PTPN9: variants seen among roughly 807,000 people sequenced by gnomAD.
The protein encoded by PTPN9 is tyrosine-protein phosphatase non-receptor type 9.
PTPN9 carries 26 observed loss-of-function variants against 69.8 expected under a neutral mutation model. The ratio of observed to expected loss-of-function variants is 0.37; its 90% CI spans 0.27 to 0.52. The LOEUF (loss-of-function observed/expected upper bound fraction) is 0.52. Ranked by LOEUF, PTPN9 falls within the 20% of genes least tolerant of loss-of-function variation. The pLI is 0.91. For synonymous variants in PTPN9, 274 were observed against 272.5 expected (o/e 1.01, Z -0.05); for missense variants, 549 against 740.3 (o/e 0.74, Z 3.00).
At chr15:75,497,074 C>T (rs1303807575) in intron 7 of PTPN9, among the ~76,000 whole-genome samples, 3 of 152,080 alleles carry the variant, frequency 2.0e-5, no homozygotes, top group African/African-American at 7.2e-5. Context: ...ACAGTATAAA[C>T]AAAATCAACT....
chr15:75,507,025 A>G (rs2074823126), intron 6 of PTPN9, among the ~76,000 whole-genome samples: 1 of 152,194 alleles, frequency 6.6e-6, no homozygotes, highest in South Asian at 2.1e-4. Flanking sequence ...ATTTTTAATT[A>G]TCAGGAACCA....
At chr15:75,540,787 G>A (rs2075005062) in intron 1 of PTPN9, among the ~76,000 whole-genome samples, 1 of 151,538 alleles carries the variant, frequency 6.6e-6, no homozygotes, top group Admixed American at 6.6e-5. Context: ...ACAAAAAAAG[G>A]ATGATCCAGG....
At position 75,465,907 on chromosome 15, in the gene PTPN9, C is replaced by T. The variant is rs2074534787; in HGVS notation, c.*2862G>A. On this transcript the variant is annotated 3_prime_UTR_variant, in exon 13 of 13. Coordinates refer to ENST00000618819, the MANE Select transcript of PTPN9 (RefSeq NM_002833.4). ...CTTACATGTTCCACCAAACCCCTGA[C>T]CTCTCTGGTTTCTCAGATTTCCAAG... 6.6e-6 allele frequency: 1 copy of T among 152,242 alleles called. No individual in the cohort carries two copies. The allele number at this position is 152,242 out of a possible 1,614,324, so 9.4% of individuals were successfully genotyped here. A position where few individuals can be genotyped will look rare whatever the true frequency, so the allele number is the denominator to read the frequency against.
intron 7 of PTPN9, among the ~76,000 whole-genome samples, chr15:75,492,977 G>C (rs911253583): frequency 6.6e-6 from 1 of 151,766 alleles, no homozygotes; most frequent in Non-Finnish European, 1.5e-5. Context: ...AACATAGCAA[G>C]ACCTTGTCTC....
chr15:75,540,558 A>AG (rs1567513039), intron 1 of PTPN9, among the ~76,000 whole-genome samples: 29 of 92,432 alleles, frequency 3.1e-4, no homozygotes, highest in African/African-American at 9.4e-4. Flanking sequence ...AAAAAAAAAA[A>AG]AAAAGAAAGA....
intron 1 of PTPN9, among the ~76,000 whole-genome samples, chr15:75,542,673 G>A (rs2075014480): frequency 6.6e-6 from 1 of 152,142 alleles, no homozygotes; most frequent in Non-Finnish European, 1.5e-5. Flanking sequence ...CACCAGCCAA[G>A]TGTGACAGCC....
Position 75,468,738 on chromosome 15 carries a change from C to T in PTPN9, c.*31G>A. The T allele has an allele frequency of 6.2e-7, 1 of 1,601,582 alleles. No homozygotes were observed. On this transcript the variant is annotated 3_prime_UTR_variant, in exon 13 of 13. Transcript: ENST00000618819. ...GGTGTCCAGGGTAGTTTAAGGAAGG[C>T]TGGCCAACAGGTAGGAGGTTCGTAG...
rs751184379 is a variant in PTPN9, at chr15:75,576,811, AAAAC to A, written c.63+1899_63+1902del. On this transcript the variant is annotated intron_variant, in intron 1 of 12. Coordinates refer to ENST00000618819, the MANE Select transcript of PTPN9 (RefSeq NM_002833.4). ...TGACAGGGCGAGGCTCTGTCTCAAA[AAAAC>A]AAACAAACAAACAAAAAATCAAAAC... 6.0e-3 allele frequency among the ~76,000 whole-genome samples: 909 copies of A among 152,230 alleles called. 9 individuals are homozygous for A. Among genetic ancestry groups the A allele is most frequent in the African/African-American group, 0.021 (866 of 41,544 alleles).
At chr15:75,520,242 T>C (rs2074895512) in intron 4 of PTPN9, among the ~76,000 whole-genome samples, 1 of 152,126 alleles carries the variant, frequency 6.6e-6, no homozygotes, top group Non-Finnish European at 1.5e-5. Context: ...ATTATGGGCT[T>C]TCCCCTCATG....
chr15:75,490,702 G>A (rs1024351730), intron 7 of PTPN9, among the ~76,000 whole-genome samples: 2 of 152,072 alleles, frequency 1.3e-5, no homozygotes, highest in Non-Finnish European at 2.9e-5. Flanking sequence ...TCGACTCACT[G>A]CAAGCTCTAC....
intron 9 of PTPN9, 115 bp from the exon 10 acceptor site, chr15:75,473,882 T>C: frequency 1.3e-6 from 1 of 757,126 alleles, no homozygotes; most frequent in East Asian, 2.5e-5. Flanking sequence ...GTTAGCTCCC[T>C]GCTCATCTTT....
intron 7 of PTPN9, among the ~76,000 whole-genome samples, chr15:75,503,260 G>A (rs1019735471): frequency 2.7e-5 from 4 of 146,646 alleles, no homozygotes; most frequent in African/African-American, 1.0e-4. Flanking sequence ...CCCATCGTCT[G>A]AGATGTGGGG....
At chr15:75,522,227 AT>A (rs1208095613) in intron 4 of PTPN9, among the ~76,000 whole-genome samples, 1 of 152,192 alleles carries the variant, frequency 6.6e-6, no homozygotes, top group East Asian at 1.9e-4. Context: ...TGTCAATTGA[AT>A]TGTAACAATA....
chr15:75,568,383 T>C (rs182361296), intron 1 of PTPN9, among the ~76,000 whole-genome samples: 4 of 151,060 alleles, frequency 2.6e-5, no homozygotes, highest in Non-Finnish European at 5.9e-5. Flanking sequence ...TGGTGCACGC[T>C]TTTAGTCCCA....
At chr15:75,472,989 G>A (rs1401557443) in intron 10 of PTPN9, among the ~76,000 whole-genome samples, 1 of 151,872 alleles carries the variant, frequency 6.6e-6, no homozygotes, top group East Asian at 1.9e-4. Context: ...GGAGAGCAAA[G>A]GGAATCTGGT....
Position 75,490,201 on chromosome 15 carries a change from T to C in PTPN9, c.1062+7A>G, listed in dbSNP as rs1277619558. ...TGCACCTAAAAAGATTACATTTATC[T>C]GTCTACCTGAGTATGGCCACTTCGC... On this transcript the variant is annotated splice_region_variant and intron_variant, in intron 8 of 12. Coordinates refer to ENST00000618819, the MANE Select transcript of PTPN9 (RefSeq NM_002833.4). 3 of 1,590,546 alleles carry C rather than the reference T, an allele frequency of 1.9e-6. No individual in the cohort carries two copies. Among genetic ancestry groups the C allele is most frequent in the Non-Finnish European group, 2.6e-6 (3 of 1,158,518 alleles).
intron 8 of PTPN9, among the ~76,000 whole-genome samples, chr15:75,482,520 G>A (rs1296895625): frequency 9.5e-5 from 13 of 137,248 alleles, no homozygotes; most frequent in East Asian, 2.1e-4. Flanking sequence ...AGCCGAGATC[G>A]TGCCACTGCA....
chr15:75,578,692 C>T, intron 1 of PTPN9, 22 bp downstream of exon 1: 1 of 1,366,584 alleles, frequency 7.3e-7, no homozygotes, highest in Non-Finnish European at 9.5e-7. Flanking sequence ...ACACCCAACG[C>T]GGCGGCCTCG....
chr15:75,514,637 A>T lies in PTPN9; in HGVS notation c.528+2622T>A, dbSNP rs916687303. 1.1e-4 allele frequency among the ~76,000 whole-genome samples: 16 copies of T among 152,158 alleles called. 1 individual carries two copies. Among genetic ancestry groups the T allele is most frequent in the Middle Eastern group, 3.2e-3 (1 of 316 alleles). ...ATAAAAAGTGAAAAAACAAGCTATA[A>T]ATTAAGAGACAGTTTACTGTGCGCA... On this transcript the variant is annotated intron_variant, in intron 5 of 12. Transcript: ENST00000618819.
Sources: gnomAD v4.1 joint callset for allele counts (sites outside exome capture counted in the v4.1 genomes callset) on GRCh38, gnomAD v4.1.1 for gene constraint, MANE v1.5 for transcripts, NCBI Gene and HGNC (gene_info 2026-07-23, HGNC 2026-07-21) for gene names.